The following PCGF5 variants were observed in gnomAD, a reference collection of about 807,000 sequenced individuals.
PCGF5 encodes the protein polycomb group ring finger 5, also known as polycomb group RING finger protein 5.
PCGF5 carries 9 observed loss-of-function variants against 44.3 expected under a neutral mutation model. That is an observed-to-expected ratio of 0.20 (90% CI 0.12 to 0.35). The LOEUF is 0.35. Among genes scored for constraint, PCGF5 ranks in the 10% least tolerant of loss-of-function variants. The probability of loss-of-function intolerance (pLI) is 1.00; values close to 1 mark genes in which losing one functional copy is unlikely to be tolerated. For synonymous variants in PCGF5, 95 were observed against 102.5 expected (o/e 0.93, Z 0.44); for missense variants, 146 against 305.3 (o/e 0.48, Z 3.89).
At chr10:91,259,941 T>C (rs573820406) in intron 6 of PCGF5, among the ~76,000 whole-genome samples, 17,699 of 148,802 alleles carry the variant, frequency 0.12, 1,915 homozygotes, top group African/African-American at 0.3. Flanking sequence ...AAAGCAATGG[T>C]AACAAAAGCC....
chr10:91,242,722 T>C (rs1171881654), intron 3 of PCGF5, among the ~76,000 whole-genome samples: 11 of 152,244 alleles, frequency 7.2e-5, no homozygotes, highest in Admixed American at 2.0e-4. Context: ...TGCTTTATCA[T>C]GTGCATATGT....
At chr10:91,224,273 C>T (rs1202754167) in intron 2 of PCGF5, among the ~76,000 whole-genome samples, 2 of 152,156 alleles carry the variant, frequency 1.3e-5, no homozygotes, top group African/African-American at 4.8e-5. Context: ...ATTACTGGCA[C>T]ATCTTATTCA....
chr10:91,194,682 G>A (rs936514559), intron 1 of PCGF5, among the ~76,000 whole-genome samples: 14 of 152,134 alleles, frequency 9.2e-5, no homozygotes, highest in Non-Finnish European at 1.5e-4. Flanking sequence ...AAAAGGTCTC[G>A]AATTCAAAAG....
At chr10:91,212,386 T>A (rs1016050233) in intron 1 of PCGF5, among the ~76,000 whole-genome samples, 4 of 152,170 alleles carry the variant, frequency 2.6e-5, no homozygotes, top group Non-Finnish European at 5.9e-5. Context: ...TTGATGAACA[T>A]GCTTAAAAGC....
At chr10:91,256,501 A>G (rs1453390393) in intron 6 of PCGF5, among the ~76,000 whole-genome samples, 2 of 152,074 alleles carry the variant, frequency 1.3e-5, no homozygotes, top group African/African-American at 4.8e-5. Flanking sequence ...AGGAGAGGAA[A>G]TGGAGAAAAA....
chr10:91,176,093 T>C (rs1385623488), intron 1 of PCGF5, among the ~76,000 whole-genome samples: 1 of 152,232 alleles, frequency 6.6e-6, no homozygotes, highest in Non-Finnish European at 1.5e-5. Context: ...GGAGCTCTTG[T>C]AGGGCAGGCC....
chr10:91,273,832 A>G (rs894039317), intron 9 of PCGF5, among the ~76,000 whole-genome samples: 2 of 150,022 alleles, frequency 1.3e-5, no homozygotes, highest in Non-Finnish European at 3.0e-5. Flanking sequence ...TGTATATTAT[A>G]TAGTGTATAA....
intron 2 of PCGF5, among the ~76,000 whole-genome samples, chr10:91,225,022 A>G (rs1173879951): frequency 6.6e-6 from 1 of 152,066 alleles, no homozygotes; most frequent in Non-Finnish European, 1.5e-5. Context: ...GATGATGAGA[A>G]GAAGGCACAA....
At chr10:91,226,123 G>A (rs190282032) in intron 2 of PCGF5, among the ~76,000 whole-genome samples, 2 of 151,896 alleles carry the variant, frequency 1.3e-5, no homozygotes, top group African/African-American at 4.8e-5. Context: ...ATGAGTAAAC[G>A]CTAGGTTTTA....
chr10:91,271,262 G>A (rs1424419124), intron 8 of PCGF5, among the ~76,000 whole-genome samples: 2 of 152,122 alleles, frequency 1.3e-5, no homozygotes, highest in Non-Finnish European at 2.9e-5. Context: ...AGGGGAAGTT[G>A]AAGAAGAGAT....
At chr10:91,262,294 C>A (rs953359738) in intron 7 of PCGF5, among the ~76,000 whole-genome samples, 1 of 152,024 alleles carries the variant, frequency 6.6e-6, no homozygotes, top group African/African-American at 2.4e-5. Flanking sequence ...GGTGTGGTGG[C>A]AGGTGCCTGT....
chr10:91,223,043 A>T, intron 2 of PCGF5, 60 bp downstream of exon 2: 14 of 1,118,564 alleles, frequency 1.3e-5, no homozygotes, highest in Non-Finnish European at 6.7e-6. Flanking sequence ...TTGTTCTTTT[A>T]AAATTGCCAT....
At position 91,179,326 on chromosome 10, in the gene PCGF5, C is replaced by CT. The variant is rs147115404; in HGVS notation, c.-184+16251dup. The stretch of plus-strand genomic sequence containing the variant: ...GCTGTCAGGGAGCCAATATTTGTTT[C>CT]TTTTTTAAAAAAAAATTAATCTTTT... On this transcript the variant is annotated intron_variant, in intron 1 of 9. Coordinates refer to the PCGF5 transcript ENST00000614189. 1.8e-3 allele frequency among the ~76,000 whole-genome samples: 271 copies of CT among 152,200 alleles called. 4 individuals are homozygous for CT. Among genetic ancestry groups the CT allele is most frequent in the Non-Finnish European group, 5.9e-4 (40 of 68,006 alleles).
intron 1 of PCGF5, among the ~76,000 whole-genome samples, chr10:91,171,633 G>C (rs764101478): frequency 1.3e-5 from 2 of 152,150 alleles, no homozygotes; most frequent in African/African-American, 4.8e-5. Flanking sequence ...TGGGAGAATA[G>C]CAGGGAATAT....
In PCGF5 at chr10:91,240,586, G is replaced by T. The variant is rs773036053; in HGVS notation, c.209+6G>T. 1.3e-6 allele frequency: 2 copies of T among 1,580,548 alleles called. No individual in the cohort carries two copies. Among genetic ancestry groups the T allele is most frequent in the Non-Finnish European group, 1.7e-6 (2 of 1,154,318 alleles). On this transcript the variant is annotated splice_donor_region_variant and intron_variant, in intron 3 of 9. Coordinates refer to ENST00000336126, the MANE Select transcript of PCGF5 (RefSeq NM_032373.5). ...AATCCATTAGAAATGTTGAGGTAAG[G>T]ATGTTATATTTTACAGTTCATCTAA...
chr10:91,206,823 C>T (rs2421483), intron 1 of PCGF5, among the ~76,000 whole-genome samples: 5,444 of 152,274 alleles, frequency 0.036, 305 homozygotes, highest in African/African-American at 0.12. Flanking sequence ...CCCCAGTTAC[C>T]TGCACAGTTT....
chr10:91,268,478 G>A (rs1441635536), intron 8 of PCGF5, among the ~76,000 whole-genome samples: 1 of 152,058 alleles, frequency 6.6e-6, no homozygotes, highest in Non-Finnish European at 1.5e-5. Flanking sequence ...GCTGGAATTG[G>A]CATCTTTGCG....
chr10:91,271,584 AAT>A, intron 8 of PCGF5, 52 bp from the exon 9 acceptor site: 2 of 1,386,198 alleles, frequency 1.4e-6, no homozygotes, highest in Non-Finnish European at 2.1e-6. Context: ...ATCAATTTTA[AAT>A]ATGTGTCCAG....
rs1314403373 is a variant in PCGF5 at position 91,284,303 on chromosome 10, G to T, written c.*5987G>T. 1 of 152,438 alleles carries T rather than the reference G, an allele frequency of 6.6e-6. No homozygotes were observed. Among genetic ancestry groups the T allele is most frequent in the Non-Finnish European group, 1.5e-5 (1 of 67,992 alleles). The allele number at this position is 152,438 out of a possible 1,614,324, so 9.4% of individuals were successfully genotyped here. A position where few individuals can be genotyped will look rare whatever the true frequency, so the allele number is the denominator to read the frequency against. ...TCTTTAATATTAGTCACTGTAGATT[G>T]CAGCCTTCATTAAAAATATCTCCTT... On this transcript the variant is annotated 3_prime_UTR_variant, in exon 10 of 10. Transcript: ENST00000336126.
Sources: allele counts gnomAD v4.1 joint callset (sites outside exome capture counted in the v4.1 genomes callset), GRCh38; gene constraint gnomAD v4.1.1; transcripts MANE v1.5; gene names NCBI Gene and HGNC (gene_info 2026-07-23, HGNC 2026-07-21).